KIRREL3: variants seen among roughly 807,000 people sequenced by gnomAD.
The protein encoded by KIRREL3 is kirre like nephrin family adhesion molecule 3.
KIRREL3 carries 36 observed loss-of-function variants against 89.7 expected under a neutral mutation model. That is an observed-to-expected ratio of 0.40 (90% CI 0.31 to 0.53). The LOEUF is 0.53. Among genes scored for constraint, KIRREL3 ranks in the 20% least tolerant of loss-of-function variants. KIRREL3 has a pLI of 0.49. For synonymous variants in KIRREL3, 445 were observed against 441.4 expected (o/e 1.01, Z -0.10); for missense variants, 864 against 1,056.6 (o/e 0.82, Z 2.53).
chr11:126,473,863 G>A (rs376512243), intron 4 of KIRREL3, among the ~76,000 whole-genome samples: 29 of 152,254 alleles, frequency 1.9e-4, no homozygotes, highest in African/African-American at 6.0e-4. Context: ...GCATGATCTC[G>A]GCTCACTGCA....
chr11:126,661,534 A>G (rs1233702615), intron 1 of KIRREL3, among the ~76,000 whole-genome samples: 1 of 152,204 alleles, frequency 6.6e-6, no homozygotes, highest in African/African-American at 2.4e-5. Context: ...GCTAATAGCT[A>G]GAGGGTCTGC....
At chr11:126,426,182 C>T (rs1392583850) in intron 15 of KIRREL3, among the ~76,000 whole-genome samples, 1 of 152,224 alleles carries the variant, frequency 6.6e-6, no homozygotes, top group African/African-American at 2.4e-5. Context: ...AGTCACTGGG[C>T]ATGGCAAGGC....
At position 126,627,721 on chromosome 11, in the gene KIRREL3, G is replaced by A. The variant is rs147144750; in HGVS notation, c.56-64809C>T. 2.0e-3 allele frequency among the ~76,000 whole-genome samples: 298 copies of A among 152,310 alleles called. 1 individual carries two copies. The highest frequency in any genetic ancestry group is 7.0e-3 in the African/African-American group (290 of 41,566). On this transcript the variant is annotated intron_variant, in intron 1 of 16. Transcript: ENST00000525144. The surrounding 1 kb of genome is among the most constrained non-coding windows in gnomAD (Gnocchi z 5.0). ...TCCAGAGAAGGGAGATGGCATTGGC[G>A]GCAGGAGGGAGGGAGAAGAATGTTC...
intron 6 of KIRREL3, among the ~76,000 whole-genome samples, chr11:126,461,933 A>T (rs1591579576): frequency 6.6e-6 from 1 of 152,248 alleles, no homozygotes; most frequent in East Asian, 1.9e-4. Flanking sequence ...GGACAGAAGC[A>T]GCCACCTGCT....
rs138549070 is a variant in KIRREL3, at chr11:126,908,369, C to T, written c.55+92086G>A. On this transcript the variant is annotated intron_variant, in intron 1 of 16. Transcript: ENST00000525144. This position sits in a 1 kb window ranked among gnomAD's most constrained non-coding sequence, Gnocchi z 4.2. ...TCCAACCAAAGCAAGGACTCCGAAG[C>T]AGGACTGCTTGTGTTCAAAACTGGC... 3.8e-3 allele frequency among the ~76,000 whole-genome samples: 572 copies of T among 152,286 alleles called. No individual in the cohort carries two copies. Among genetic ancestry groups the T allele is most frequent in the African/African-American group, 0.011 (438 of 41,536 alleles).
At position 126,475,934 on chromosome 11, in the gene KIRREL3, G is replaced by A. The variant is rs1351061069; in HGVS notation, c.434-2468C>T. On this transcript the variant is annotated intron_variant, in intron 4 of 16. Coordinates refer to ENST00000525144, the MANE Select transcript of KIRREL3 (RefSeq NM_032531.4). This position sits in a 1 kb window ranked among gnomAD's most constrained non-coding sequence, Gnocchi z 7.5. ...CCCCGACCAGGATGGAGGAGCTCGG[G>A]CTCCATGAGCTAGCTGAGGGCCTGG... 6.6e-6 allele frequency among the ~76,000 whole-genome samples: 1 copy of A among 152,204 alleles called. No individual in the cohort carries two copies. Among genetic ancestry groups the A allele is most frequent in the Admixed American group, 6.5e-5 (1 of 15,286 alleles).
chr11:126,471,285 A>C lies in KIRREL3; in HGVS notation c.591+2024T>G, dbSNP rs1349639820. 1.3e-5 allele frequency among the ~76,000 whole-genome samples: 2 copies of C among 152,114 alleles called. No homozygotes were observed. Among genetic ancestry groups the C allele is most frequent in the African/African-American group, 4.8e-5 (2 of 41,426 alleles). ...TTCTGGAGGCTGAGGCAGGAGAATC[A>C]CTTGAGCCCAGGAGGTGGAGGTTGC... On this transcript the variant is annotated intron_variant, in intron 5 of 16. Transcript: ENST00000525144. The surrounding 1 kb of genome is among the most constrained non-coding windows in gnomAD (Gnocchi z 5.4).
rs552578611 is a variant in KIRREL3, at chr11:126,498,031, C to T, written c.433+23284G>A. 6.6e-6 allele frequency among the ~76,000 whole-genome samples: 1 copy of T among 152,312 alleles called. No individual in the cohort carries two copies. The highest frequency in any genetic ancestry group is 6.5e-5 in the Admixed American group (1 of 15,298). ...TCTGGCTCAGTAAAAAGTGTCTTCT[C>T]CATTTTATGGACAAGGAAGCAGAGG... On this transcript the variant is annotated intron_variant, in intron 4 of 16. Transcript: ENST00000525144. This position sits in a 1 kb window ranked among gnomAD's most constrained non-coding sequence, Gnocchi z 4.3.
chr11:126,886,985 C>T (rs1266249524), intron 1 of KIRREL3, among the ~76,000 whole-genome samples: 1 of 152,150 alleles, frequency 6.6e-6, no homozygotes, highest in Admixed American at 6.5e-5. Flanking sequence ...TCTGAGCAGG[C>T]TCCAGAAAGT....
chr11:126,855,328 G>A (rs73030445), intron 1 of KIRREL3, among the ~76,000 whole-genome samples: 6,223 of 152,218 alleles, frequency 0.041, 161 homozygotes, highest in African/African-American at 0.075. Flanking sequence ...GGGGAATGCC[G>A]GCTCCTGCGC....
rs116590022 is a variant in KIRREL3, at chr11:126,723,160, A to T, written c.56-160248T>A. On this transcript the variant is annotated intron_variant, in intron 1 of 16. Transcript: ENST00000525144. This position sits in a 1 kb window ranked among gnomAD's most constrained non-coding sequence, Gnocchi z 4.0. ...TGGTTTGTTCGTCTCCGTCCCAGGC[A>T]TCTATCTCAGAGCCTGCAGCCCTGA... Among the ~76,000 whole-genome samples the T allele has an allele frequency of 0.012, 1,799 of 152,134 alleles. 37 individuals are homozygous for T. Among genetic ancestry groups the T allele is most frequent in the African/African-American group, 0.04 (1,678 of 41,522 alleles).
intron 1 of KIRREL3, among the ~76,000 whole-genome samples, chr11:126,968,219 A>AT (rs879795726): frequency 1.3e-5 from 2 of 151,982 alleles, no homozygotes; most frequent in African/African-American, 2.4e-5. Context: ...ATGCTTCTGT[A>AT]TTTTTTTTAA....
intron 1 of KIRREL3, among the ~76,000 whole-genome samples, chr11:126,859,641 C>T (rs1023824214): frequency 6.6e-6 from 1 of 152,190 alleles, no homozygotes; most frequent in Non-Finnish European, 1.5e-5. Flanking sequence ...CAAAAACATA[C>T]ATAAATTGAA....
rs1490019767 is a variant in KIRREL3, at chr11:126,498,312, C to T, written c.433+23003G>A. Among the ~76,000 whole-genome samples, 3 of 152,044 alleles carry T rather than the reference C, an allele frequency of 2.0e-5. No individual in the cohort carries two copies. Among genetic ancestry groups the T allele is most frequent in the Non-Finnish European group, 4.4e-5 (3 of 68,028 alleles). The stretch of plus-strand genomic sequence containing the variant: ...GCCCATTTTCTCACTCCAAGTTTCC[C>T]CCTCATTAATTTTAATCTAATTTGC... On this transcript the variant is annotated intron_variant, in intron 4 of 16. Transcript: ENST00000525144. This position sits in a 1 kb window ranked among gnomAD's most constrained non-coding sequence, Gnocchi z 4.3.
chr11:126,913,786 T>C (rs1277900602), intron 1 of KIRREL3, among the ~76,000 whole-genome samples: 1 of 152,022 alleles, frequency 6.6e-6, no homozygotes, highest in African/African-American at 2.4e-5. Context: ...AAGAGCTGAG[T>C]GAAGAAGCTT....
intron 1 of KIRREL3, among the ~76,000 whole-genome samples, chr11:126,681,237 AG>A (rs1416830328): frequency 1.3e-5 from 2 of 152,332 alleles, no homozygotes; most frequent in Non-Finnish European, 2.9e-5. Context: ...GTCTAAGACC[AG>A]AAGCCATGTG....
At position 126,985,615 on chromosome 11, in the gene KIRREL3, C is replaced by T. The variant is rs185363630; in HGVS notation, c.55+14840G>A. Among the ~76,000 whole-genome samples, 9 of 151,994 alleles carry T rather than the reference C, an allele frequency of 5.9e-5. No individual in the cohort carries two copies. The highest frequency in any genetic ancestry group is 2.0e-4 in the Admixed American group (3 of 15,276). ...GGCCACTCCAGAGGGACAGGAGGCA[C>T]GAGGGAGCAGAGCACATTCGGACAA... On this transcript the variant is annotated intron_variant, in intron 1 of 16. Coordinates refer to ENST00000525144, the MANE Select transcript of KIRREL3 (RefSeq NM_032531.4). This position sits in a 1 kb window ranked among gnomAD's most constrained non-coding sequence, Gnocchi z 5.3.
At position 126,645,216 on chromosome 11, in the gene KIRREL3, C is replaced by T. The variant is rs1944620622; in HGVS notation, c.56-82304G>A. Reference sequence around the variant, plus strand: ...GATGCAGACTGACATCGTAACAATTCAAATGCTAATGAAATATTCTCAACT... The same window carrying T: ...GATGCAGACTGACATCGTAACAATTTAAATGCTAATGAAATATTCTCAACT... On this transcript the variant is annotated intron_variant, in intron 1 of 16. Coordinates refer to ENST00000525144, the MANE Select transcript of KIRREL3 (RefSeq NM_032531.4). The surrounding 1 kb of genome is among the most constrained non-coding windows in gnomAD (Gnocchi z 4.9). Among the ~76,000 whole-genome samples the T allele has an allele frequency of 6.6e-6, 1 of 152,152 alleles. No individual in the cohort carries two copies. The highest frequency in any genetic ancestry group is 2.4e-5 in the African/African-American group (1 of 41,432).
chr11:126,857,935 C>T (rs1214270621), intron 1 of KIRREL3, among the ~76,000 whole-genome samples: 1 of 152,172 alleles, frequency 6.6e-6, no homozygotes, highest in Admixed American at 6.5e-5. Context: ...TTCACTGTGT[C>T]GTGCCTCAGC....
Sources: allele counts gnomAD v4.1 joint callset (sites outside exome capture counted in the v4.1 genomes callset), GRCh38; gene constraint gnomAD v4.1.1; non-coding constraint Gnocchi (gnomAD v3.1); transcripts MANE v1.5; gene names NCBI Gene and HGNC (gene_info 2026-07-23, HGNC 2026-07-21).